The following SLC35F3 variants were observed in gnomAD, a reference collection of about 807,000 sequenced individuals.
The protein encoded by SLC35F3 is putative thiamine transporter SLC35F3.
Under a neutral mutation model 49.9 loss-of-function variants are expected in SLC35F3, and 25 were observed. The ratio of observed to expected loss-of-function variants is 0.50; its 90% CI spans 0.37 to 0.70. The LOEUF (loss-of-function observed/expected upper bound fraction) is 0.70, where lower values mean the gene tolerates loss of function less well. SLC35F3 is among the 30% of genes least tolerant of loss of function. The pLI, the probability that SLC35F3 is intolerant of heterozygous loss-of-function variation, is 0.00. For missense variants in SLC35F3, 525 were observed against 639.8 expected (o/e 0.82, Z 1.94); for synonymous variants, 275 against 265.4 (o/e 1.04, Z -0.35).
intron 2 of SLC35F3, among the ~76,000 whole-genome samples, chr1:234,225,556 A>G (rs1249521615): frequency 6.6e-6 from 1 of 152,198 alleles, no homozygotes; most frequent in Non-Finnish European, 1.5e-5. Flanking sequence ...TTAAGCCTCT[A>G]AAATGTGGGT....
At chr1:234,182,034 C>T (rs1485365358) in intron 2 of SLC35F3, among the ~76,000 whole-genome samples, 3 of 152,140 alleles carry the variant, frequency 2.0e-5, no homozygotes, top group East Asian at 1.9e-4. Flanking sequence ...ATTTCATATA[C>T]GAATGGCGAA....
At chr1:234,140,002 A>AATAAAATAAATAAAATAAAT in intron 2 of SLC35F3, among the ~76,000 whole-genome samples, 1 of 105,368 alleles carries the variant, frequency 9.5e-6, no homozygotes. Context: ...AATAAAATAA[A>AATAAAATAAATAAAATAAAT]GTAAGTGACT....
At position 234,122,470 on chromosome 1, in the gene SLC35F3, A is replaced by G. The variant is rs1459966495; in HGVS notation, c.284-108947A>G. 3.9e-5 allele frequency among the ~76,000 whole-genome samples: 6 copies of G among 152,284 alleles called. No homozygotes were observed. In the East Asian group the frequency reaches 1.2e-3, roughly 29 times the overall value. On this transcript the variant is annotated intron_variant, in intron 2 of 7. Coordinates refer to ENST00000366618, the MANE Select transcript of SLC35F3 (RefSeq NM_173508.4). ...ATTTGGGGCATTTTTTTAAAATTTT[A>G]CTTTAAGTTCCAGGATACATGTGTA...
Position 234,318,743 on chromosome 1 carries a change from T to A in SLC35F3, c.955-8T>A. On this transcript the variant is annotated splice_polypyrimidine_tract_variant and splice_region_variant and intron_variant, in intron 5 of 7. Transcript: ENST00000366618. ...CTTCACCCCGTCCTCCTCTGCTTTC[T>A]CCTACAGGTTTTGTTCAAGCTCCTC... 1 of 1,612,902 alleles carries A rather than the reference T, an allele frequency of 6.2e-7. No individual in the cohort carries two copies. The highest frequency in any genetic ancestry group is 8.5e-7 in the Non-Finnish European group (1 of 1,179,420).
chr1:234,227,313 A>G (rs1192531329), intron 2 of SLC35F3, among the ~76,000 whole-genome samples: 1 of 151,932 alleles, frequency 6.6e-6, no homozygotes, highest in Non-Finnish European at 1.5e-5. Context: ...TTGTGTACTA[A>G]TGGTCCCAGG....
chr1:233,958,929 C>G (rs575043656), intron 2 of SLC35F3, among the ~76,000 whole-genome samples: 7 of 152,226 alleles, frequency 4.6e-5, no homozygotes, highest in African/African-American at 1.2e-4. Flanking sequence ...AATAGAAAAA[C>G]ATTTCCAACA....
rs1667366655 is a variant in SLC35F3, at chr1:234,231,331, G to A, written c.284-86G>A. The A allele has an allele frequency of 5.1e-6, 6 of 1,180,968 alleles. No homozygotes were observed. The highest frequency in any genetic ancestry group is 2.6e-5 in the East Asian group (1 of 37,886). The allele number at this position is 1,180,968 out of a possible 1,614,324, so 73.2% of individuals were successfully genotyped here. A position where few individuals can be genotyped will look rare whatever the true frequency, so the allele number is the denominator to read the frequency against. On this transcript the variant is annotated intron_variant, in intron 2 of 7. Transcript: ENST00000366618. This position sits in a 1 kb window ranked among gnomAD's most constrained non-coding sequence, Gnocchi z 5.4. ...CTCCCCGGGCCCCCAGGTAGCTGGTGGTGACAATGGCTGCAGGGCAGCGCC... is the reference window on the plus strand; with the variant it reads ...CTCCCCGGGCCCCCAGGTAGCTGGTAGTGACAATGGCTGCAGGGCAGCGCC...
chr1:234,246,913 G>A (rs1371552130), intron 3 of SLC35F3, among the ~76,000 whole-genome samples: 1 of 152,192 alleles, frequency 6.6e-6, no homozygotes, highest in Non-Finnish European at 1.5e-5. Flanking sequence ...GTCGGTCGGG[G>A]GTAAGGCCAG....
chr1:233,917,944 C>T (rs982114086), intron 2 of SLC35F3, among the ~76,000 whole-genome samples: 1 of 152,242 alleles, frequency 6.6e-6, no homozygotes, highest in Non-Finnish European at 1.5e-5. Flanking sequence ...TCAGCACTTC[C>T]GTGCTTGAGT....
chr1:234,103,826 C>T (rs192216560), intron 2 of SLC35F3, among the ~76,000 whole-genome samples: 118 of 152,282 alleles, frequency 7.7e-4, no homozygotes, highest in African/African-American at 2.7e-3. Flanking sequence ...TAGACCTGTT[C>T]CAGCCAATGA....
intron 3 of SLC35F3, among the ~76,000 whole-genome samples, chr1:234,299,362 G>A (rs1385969247): frequency 1.3e-5 from 2 of 152,148 alleles, no homozygotes; most frequent in Non-Finnish European, 2.9e-5. Context: ...AAAGTTCTAT[G>A]ACCTAAGAGT....
At chr1:233,990,703 C>T (rs1663341011) in intron 2 of SLC35F3, among the ~76,000 whole-genome samples, 1 of 152,108 alleles carries the variant, frequency 6.6e-6, no homozygotes, top group Non-Finnish European at 1.5e-5. Context: ...ACAATGTGTG[C>T]ACATATCAAA....
intron 2 of SLC35F3, among the ~76,000 whole-genome samples, chr1:234,044,710 T>C (rs1313611727): frequency 6.6e-6 from 1 of 152,252 alleles, no homozygotes; most frequent in East Asian, 1.9e-4. Flanking sequence ...TAGTCATTAA[T>C]GTTTCTTCAT....
chr1:234,217,148 C>A (rs1395109146), intron 2 of SLC35F3, among the ~76,000 whole-genome samples: 1 of 152,220 alleles, frequency 6.6e-6, no homozygotes, highest in Non-Finnish European at 1.5e-5. Context: ...GGAGGGAATG[C>A]AGCCAGCGAG....
At chr1:234,216,139 C>A (rs908674229) in intron 2 of SLC35F3, among the ~76,000 whole-genome samples, 1 of 152,144 alleles carries the variant, frequency 6.6e-6, no homozygotes, top group Non-Finnish European at 1.5e-5. Context: ...CCAGACATTG[C>A]CCACATGCAT....
intron 4 of SLC35F3, among the ~76,000 whole-genome samples, chr1:234,310,046 CAG>C (rs1235540171): frequency 1.3e-5 from 2 of 152,128 alleles, no homozygotes; most frequent in African/African-American, 2.4e-5. Flanking sequence ...AGCTGAAATA[CAG>C]AGAGATTCCC....
At chr1:234,203,709 CAA>C (rs58588408) in intron 2 of SLC35F3, among the ~76,000 whole-genome samples, 113 of 145,060 alleles carry the variant, frequency 7.8e-4, no homozygotes, top group Non-Finnish European at 8.5e-4. Context: ...GACTCCATCT[CAA>C]AAAAAAAAAA....
intron 2 of SLC35F3, among the ~76,000 whole-genome samples, chr1:233,974,996 G>T (rs1272090672): frequency 6.6e-6 from 1 of 152,188 alleles, no homozygotes; most frequent in Non-Finnish European, 1.5e-5. Flanking sequence ...TGTAGTTCAG[G>T]GACACCCCTG....
rs139890253 is a variant in SLC35F3 at position 234,207,428 on chromosome 1, CTTT to C, written c.284-23988_284-23986del. Among the ~76,000 whole-genome samples the C allele has an allele frequency of 4.3e-5, 3 of 69,994 alleles. 1 individual carries two copies. Among genetic ancestry groups the C allele is most frequent in the African/African-American group, 1.1e-4 (2 of 18,514 alleles). 45.9% of individuals were successfully genotyped at this position (69,994 alleles called of 152,430 possible). The stretch of plus-strand genomic sequence containing the variant: ...CTCCCTCCTTCCTTTCTCCCTCCCT[CTTT>C]CCTGCTTCCTTTTTTCTTCTTTCCT... On this transcript the variant is annotated intron_variant, in intron 2 of 7. Coordinates refer to ENST00000366618, the MANE Select transcript of SLC35F3 (RefSeq NM_173508.4).
Sources: gnomAD v4.1 joint callset for allele counts (sites outside exome capture counted in the v4.1 genomes callset) on GRCh38, gnomAD v4.1.1 for gene constraint, Gnocchi (gnomAD v3.1) non-coding constraint, MANE v1.5 for transcripts, NCBI Gene and HGNC (gene_info 2026-07-23, HGNC 2026-07-21) for gene names.